Variants in KIR2DL3 observed in about 807,000 individuals in gnomAD.
The protein encoded by KIR2DL3 is killer cell immunoglobulin-like receptor 2DL3.
KIR2DL3 carries 39 observed loss-of-function variants against 33.8 expected under a neutral mutation model. The ratio of observed to expected loss-of-function variants is 1.15; its 90% confidence interval spans 0.89 to 1.51. KIR2DL3 has a LOEUF of 1.51. KIR2DL3 is among the 40% of genes most tolerant of loss of function. The probability of loss-of-function intolerance (pLI) is 0.00; values close to 1 mark genes in which losing one functional copy is unlikely to be tolerated. For missense variants in KIR2DL3, 462 were observed against 426.2 expected (o/e 1.08, Z -0.74); for synonymous variants, 174 against 160.2 (o/e 1.09, Z -0.65).
chr19:54,745,875 C>G (rs548160752), intron 4 of KIR2DL3, among the ~76,000 whole-genome samples: 12 of 144,436 alleles, frequency 8.3e-5, no homozygotes, highest in African/African-American at 1.3e-4. Context: ...TGCAGTGGTG[C>G]GATCTCGGCT....
intron 2 of KIR2DL3, among the ~76,000 whole-genome samples, chr19:54,740,000 G>A (rs564665419): frequency 1.8e-3 from 280 of 151,848 alleles, no homozygotes; most frequent in African/African-American, 6.4e-3. Context: ...TCCACCTCAT[G>A]TCTACCCTGT....
At chr19:54,743,207 T>C (rs2071514038) in intron 3 of KIR2DL3, among the ~76,000 whole-genome samples, 1 of 152,144 alleles carries the variant, frequency 6.6e-6, no homozygotes, top group Non-Finnish European at 1.5e-5. Context: ...AGGTTAAAGA[T>C]ACATAGATGA....
intron 1 of KIR2DL3, among the ~76,000 whole-genome samples, chr19:54,738,891 G>GA (rs2070348285): frequency 1.8e-5 from 2 of 109,634 alleles, no homozygotes; most frequent in African/African-American, 3.3e-5. Flanking sequence ...TGGGCCTGGA[G>GA]TGGAGATATG....
At chr19:54,744,921 C>CATATATATATAT (rs1177112432) in intron 4 of KIR2DL3, among the ~76,000 whole-genome samples, 11 of 25,270 alleles carry the variant, frequency 4.4e-4, no homozygotes, top group East Asian at 2.6e-3. Context: ...CATATATAAA[C>CATATATATATAT]ATATATATAT....
chr19:54,740,217 G>T (rs1227308133), intron 2 of KIR2DL3, among the ~76,000 whole-genome samples: 1 of 151,914 alleles, frequency 6.6e-6, no homozygotes, highest in Non-Finnish European at 1.5e-5. Flanking sequence ...GCACAGGGAG[G>T]GAAGGGCAGT....
chr19:54,742,089 G>T lies in KIR2DL3; in HGVS notation c.180G>T (p.Leu60=), dbSNP rs757144012. 2 of 1,613,770 alleles carry T rather than the reference G, an allele frequency of 1.2e-6. No homozygotes were observed. The highest frequency in any genetic ancestry group is 2.2e-5 in the East Asian group (1 of 44,876). ...WSDVRFQHFL[L]HREGKFKDTL... is the part of the protein sequence containing the mutation. ...ATGTCAGGTTTCAGCACTTCCTTCT[G>T]CACAGAGAAGGGAAGTTTAAGGACA... Residue 60 remains leucine, a synonymous_variant, in exon 3 of 8, where the codon CTG becomes CTT. Transcript: ENST00000342376.
Position 54,739,482 on chromosome 19 carries a change from G to A in KIR2DL3, c.35-25G>A, listed in dbSNP as rs678907. The A allele has an allele frequency of 8.8e-5, 141 of 1,595,792 alleles. 1 individual carries two copies. The South Asian group carries it at 1.4e-3, about 16-fold the overall frequency. ...AGGCCTGGTTTGCCTGCAGATGGATGGTCCATCATGATCTTTCTTTCCAGG... is the reference window on the plus strand; with the variant it reads ...AGGCCTGGTTTGCCTGCAGATGGATAGTCCATCATGATCTTTCTTTCCAGG... On this transcript the variant is annotated intron_variant, in intron 1 of 7. Transcript: ENST00000342376.
At position 54,752,720 on chromosome 19, in the gene KIR2DL3, C is replaced by T. The variant is rs2147203332; in HGVS notation, c.*201C>T. 1 of 803,874 alleles carries T rather than the reference C, an allele frequency of 1.2e-6. No homozygotes were observed. Among genetic ancestry groups the T allele is most frequent in the Non-Finnish European group, 2.0e-6 (1 of 511,530 alleles). 49.8% of individuals were successfully genotyped at this position (803,874 alleles called of 1,614,324 possible). On this transcript the variant is annotated 3_prime_UTR_variant, in exon 8 of 8. Transcript: ENST00000342376. ...GTGCCTCTCCCTTGCTTACAAATGT[C>T]TAAGGTCCCCACTGCCTGCTGGAGA...
chr19:54,748,632 T>G, intron 5 of KIR2DL3, among the ~76,000 whole-genome samples: 1 of 147,712 alleles, frequency 6.8e-6, no homozygotes, highest in Non-Finnish European at 1.5e-5. Flanking sequence ...TTTGTTCTTT[T>G]GTTTATTGAG....
Position 54,738,551 on chromosome 19 carries a change from G to A in KIR2DL3, c.6G>A (p.Ser2=), listed in dbSNP as rs374653140. The A allele has an allele frequency of 1.3e-4, 211 of 1,614,012 alleles. No individual in the cohort carries two copies. In the Middle Eastern group the frequency reaches 1.6e-3, roughly 13 times the overall value. M[S]LMVVSMVCVG... ...CTGTCTGCACAGACAGCACCATGTC[G>A]CTCATGGTCGTCAGCATGGTGTGTG... Residue 2 remains serine, a synonymous_variant, in exon 1 of 8, where the codon TCG becomes TCA. Coordinates refer to ENST00000342376, the MANE Select transcript of KIR2DL3 (RefSeq NM_015868.3).
At chr19:54,751,540 G>T in intron 5 of KIR2DL3, 109 bp from the exon 6 acceptor site, 2 of 950,734 alleles carry the variant, frequency 2.1e-6, no homozygotes, top group Non-Finnish European at 3.2e-6. Context: ...CTGGGTGCTT[G>T]TCCTAAAGGG....
intron 1 of KIR2DL3, 34 bp from the exon 2 acceptor site, chr19:54,739,473 C>G (rs1478665908): frequency 6.8e-6 from 11 of 1,613,750 alleles, no homozygotes; most frequent in South Asian, 1.1e-5. Context: ...GGTTTGCCTG[C>G]AGATGGATGG....
chr19:54,742,988 G>C (rs1164229462), intron 3 of KIR2DL3, among the ~76,000 whole-genome samples: 4 of 152,074 alleles, frequency 2.6e-5, no homozygotes, highest in Non-Finnish European at 5.9e-5. Context: ...GAGAAAAGAG[G>C]GCAGAGGAGT....
intron 4 of KIR2DL3, 104 bp from the exon 5 acceptor site, chr19:54,747,231 A>C: frequency 7.0e-7 from 1 of 1,428,134 alleles, no homozygotes; most frequent in Non-Finnish European, 9.8e-7. Context: ...CCAGGGCCCA[A>C]TATTAGATAA....
At chr19:54,745,016 A>G (rs1214769238) in intron 4 of KIR2DL3, among the ~76,000 whole-genome samples, 3 of 132,560 alleles carry the variant, frequency 2.3e-5, no homozygotes, top group African/African-American at 5.8e-5. Flanking sequence ...GGAAGCCACC[A>G]TTCTACTCTC....
At position 54,742,139 on chromosome 19, in the gene KIR2DL3, A is replaced by G. The variant is rs903058547; in HGVS notation, c.230A>G (p.His77Arg). ...ACTTTGCACCTCATTGGAGAGCACC[A>G]TGATGGGGTCTCCAAGGCCAACTTC... Reference protein sequence around the residue: ...KDTLHLIGEHHDGVSKANFSI... With the variant: ...KDTLHLIGEHRDGVSKANFSI... Residue 77 changes from histidine (H) to arginine (R), a missense_variant, in exon 3 of 8, where the codon CAT becomes CGT. Physicochemically the swap from His to Arg is conservative, Grantham distance 29 (BLOSUM62 0). Transcript: ENST00000342376. 29 of 1,613,684 alleles carry G rather than the reference A, an allele frequency of 1.8e-5. No homozygotes were observed. The highest frequency in any genetic ancestry group is 4.0e-5 in the African/African-American group (3 of 74,762).
intron 4 of KIR2DL3, 34 bp from the exon 5 acceptor site, chr19:54,747,301 C>A (rs778878640): frequency 1.9e-6 from 3 of 1,608,140 alleles, no homozygotes; most frequent in South Asian, 1.1e-5. Flanking sequence ...CAGACACCCT[C>A]ATTTCCTCAC....
chr19:54,742,028 A>G lies in KIR2DL3; in HGVS notation c.119A>G (p.Lys40Arg), dbSNP rs1307884635. 9 of 1,612,246 alleles carry G rather than the reference A, an allele frequency of 5.6e-6. No individual in the cohort carries two copies. Among genetic ancestry groups the G allele is most frequent in the Non-Finnish European group, 7.6e-6 (9 of 1,179,028 alleles). Reference sequence around the variant, plus strand: ...CTGGCCCACCCAGGTCCCCTGGTGAAATCAGAAGAGACAGTCATCCTGCAA... The same window carrying G: ...CTGGCCCACCCAGGTCCCCTGGTGAGATCAGAAGAGACAGTCATCCTGCAA... ...SLLAHPGPLV[K>R]SEETVILQCW... The change falls in exon 3 of 8, where the codon AAA (lysine) becomes AGA (arginine). Residue 40 changes from lysine to arginine, a missense_variant. Physicochemically the swap from Lys to Arg is conservative, Grantham distance 26. Transcript: ENST00000342376.
In KIR2DL3 at chr19:54,752,452, C is replaced by T. The variant is rs139889158; in HGVS notation, c.959C>T (p.Ser320Phe). 2,913 of 1,465,194 alleles carry T rather than the reference C, an allele frequency of 2.0e-3. 619 individuals are homozygous for T. In the African/African-American group the frequency reaches 0.04, roughly 20 times the overall value. The allele number at this position is 1,465,194 out of a possible 1,614,324, so 90.8% of individuals were successfully genotyped here. The change falls in exon 8 of 8, where the codon TCT becomes TTT. Residue 320 changes from serine to phenylalanine, a missense_variant. By Grantham distance (155) the Ser-to-Phe change is radical (BLOSUM62 -2). Transcript: ENST00000342376. ...ACACAGAGAAAAATCACTCGCCCTT[C>T]TCAGAGGCCCAAGACACCCCCAACA... The part of the protein sequence containing the change: ...VFTQRKITRP[S>F]QRPKTPPTDI...
Sources: allele counts gnomAD v4.1 joint callset (sites outside exome capture counted in the v4.1 genomes callset), GRCh38; gene constraint gnomAD v4.1.1; transcripts MANE v1.5; gene names NCBI Gene and HGNC (gene_info 2026-07-23, HGNC 2026-07-21).